The following PUS10 variants were observed in gnomAD, a reference collection of about 807,000 sequenced individuals.
PUS10 encodes tRNA pseudouridine synthase Pus10.
PUS10 carries 59 observed loss-of-function variants against 75.0 expected under a neutral mutation model. That is an observed-to-expected ratio of 0.79 (90% CI 0.64 to 0.98). PUS10 has a LOEUF of 0.98. Among genes scored for constraint, PUS10 ranks in the 50% least tolerant of loss-of-function variants. The pLI is 0.00. For missense variants in PUS10, 650 were observed against 614.4 expected, an observed-to-expected ratio of 1.06 and a Z score of -0.61; for synonymous variants, 219 against 211.6, an observed-to-expected ratio of 1.03 and a Z score of -0.30.
At position 60,948,152 on chromosome 2, in the gene PUS10, C is replaced by T. The variant is rs776008097; in HGVS notation, c.1342G>A (p.Val448Ile). The change falls in exon 16 of 18, where the codon GTC becomes ATC. Residue 448 changes from valine to isoleucine, a missense_variant. Coordinates refer to ENST00000316752, the MANE Select transcript of PUS10 (RefSeq NM_144709.4). ...ACAGCCAGGGGCCTTCGGTGAAGGA[C>T]GCGCAAAGGTGTTTTCTGGTCGATT... is the stretch of plus-strand genomic sequence containing the variant. Reference protein sequence around the residue: ...LKIDQKTPLRVLHRRPLAVRA... With the variant: ...LKIDQKTPLRILHRRPLAVRA... 19 of 1,614,102 alleles carry T rather than the reference C, an allele frequency of 1.2e-5. No individual in the cohort carries two copies. Among genetic ancestry groups the T allele is most frequent in the East Asian group, 2.2e-5 (1 of 44,872 alleles).
intron 4 of PUS10, among the ~76,000 whole-genome samples, chr2:60,973,027 G>A (rs1426363637): frequency 2.6e-5 from 4 of 152,230 alleles, no homozygotes; most frequent in Admixed American, 6.5e-5. Flanking sequence ...CAGCAGTGGC[G>A]GCGGTGGGAC....
Position 60,940,434 on chromosome 2 carries a change from T to C in PUS10, c.*1961A>G, listed in dbSNP as rs1246325011. On this transcript the variant is annotated 3_prime_UTR_variant, in exon 18 of 18. Transcript: ENST00000316752. Reference sequence around the variant, plus strand: ...AAACTAATTTTAAAATGCTTTTATGTAGGCAAAAGGGAAACTATAGTACTC... The same window carrying C: ...AAACTAATTTTAAAATGCTTTTATGCAGGCAAAAGGGAAACTATAGTACTC... 2.0e-5 allele frequency: 3 copies of C among 152,354 alleles called. No homozygotes were observed. The highest frequency in any genetic ancestry group is 4.8e-5 in the African/African-American group (2 of 41,464). The allele number at this position is 152,354 out of a possible 1,614,324, so 9.4% of individuals were successfully genotyped here. A position where few individuals can be genotyped will look rare whatever the true frequency, so the allele number is the denominator to read the frequency against.
intron 4 of PUS10, among the ~76,000 whole-genome samples, chr2:60,976,713 C>T (rs1364068155): frequency 1.3e-5 from 2 of 152,194 alleles, no homozygotes; most frequent in East Asian, 3.8e-4. Flanking sequence ...GGCTTAAAGG[C>T]TGAATCTCAA....
chr2:61,007,228 T>TA (rs369386636), intron 3 of PUS10, among the ~76,000 whole-genome samples: 44 of 150,406 alleles, frequency 2.9e-4, no homozygotes, highest in South Asian at 8.4e-4. Context: ...TTTTTTTTTT[T>TA]AAAAAAAAGA....
chr2:61,013,265 GAAAAA>G (rs61561925), intron 1 of PUS10, among the ~76,000 whole-genome samples: 7 of 112,290 alleles, frequency 6.2e-5, no homozygotes, highest in African/African-American at 2.2e-4. Context: ...AAAAGAAACA[GAAAAA>G]AAAAAAAAAA....
chr2:60,991,483 G>GTCTCA (rs770308134), intron 4 of PUS10, among the ~76,000 whole-genome samples: 1 of 152,140 alleles, frequency 6.6e-6, no homozygotes. Flanking sequence ...GAGAGAGAGA[G>GTCTCA]TCTCACTCTG....
At chr2:60,962,990 A>G (rs1243987553) in intron 8 of PUS10, 100 bp from the exon 9 acceptor site, 4 of 1,426,682 alleles carry the variant, frequency 2.8e-6, no homozygotes, top group African/African-American at 3.0e-5. Flanking sequence ...GTATCATTTC[A>G]TTATATCATT....
intron 4 of PUS10, among the ~76,000 whole-genome samples, chr2:60,991,102 C>T (rs748399088): frequency 6.6e-6 from 1 of 152,164 alleles, no homozygotes; most frequent in Non-Finnish European, 1.5e-5. Context: ...TGGTCTCAAA[C>T]TCCTGGGCTC....
intron 4 of PUS10, among the ~76,000 whole-genome samples, chr2:60,977,960 C>T (rs1196548435): frequency 1.3e-5 from 2 of 151,998 alleles, no homozygotes; most frequent in Admixed American, 6.6e-5. Flanking sequence ...TAAGACAAAA[C>T]GATAATAAAC....
At chr2:60,971,207 AAATTT>A (rs1256286437) in intron 5 of PUS10, among the ~76,000 whole-genome samples, 2 of 151,718 alleles carry the variant, frequency 1.3e-5, no homozygotes, top group Non-Finnish European at 2.9e-5. Flanking sequence ...ATAATAAATA[AAATTT>A]ATTTTTAAAA....
chr2:60,992,386 G>A (rs1678146443), intron 4 of PUS10, among the ~76,000 whole-genome samples: 1 of 152,104 alleles, frequency 6.6e-6, no homozygotes, highest in East Asian at 1.9e-4. Flanking sequence ...TTCATGACTA[G>A]CTACTGATTT....
chr2:60,958,435 G>A (rs748310487), intron 11 of PUS10, among the ~76,000 whole-genome samples: 1 of 152,106 alleles, frequency 6.6e-6, no homozygotes, highest in Non-Finnish European at 1.5e-5. Flanking sequence ...ATTATAAGAG[G>A]GATGTGGTTT....
chr2:60,985,866 G>A (rs768549902), intron 4 of PUS10, among the ~76,000 whole-genome samples: 1 of 147,870 alleles, frequency 6.8e-6, no homozygotes, highest in African/African-American at 2.5e-5. Context: ...TTTACTCTAG[G>A]TTGGGTCTGC....
chr2:60,983,406 C>T (rs567085157), intron 4 of PUS10, among the ~76,000 whole-genome samples: 3 of 152,042 alleles, frequency 2.0e-5, no homozygotes, highest in Non-Finnish European at 4.4e-5. Flanking sequence ...AGGCTGGGCG[C>T]GGTGGCTCAC....
At chr2:60,959,556 T>C (rs573746688) in intron 11 of PUS10, among the ~76,000 whole-genome samples, 14 of 152,094 alleles carry the variant, frequency 9.2e-5, no homozygotes, top group African/African-American at 3.4e-4. Context: ...GCCCAGCTGA[T>C]TTTTGTATTT....
intron 16 of PUS10, among the ~76,000 whole-genome samples, chr2:60,945,546 G>T (rs185930067): frequency 2.6e-5 from 4 of 152,280 alleles, no homozygotes; most frequent in Admixed American, 2.6e-4. Flanking sequence ...TGATCTCAAT[G>T]ATGGCATTCC....
At chr2:60,974,442 G>A (rs927879140) in intron 4 of PUS10, among the ~76,000 whole-genome samples, 1 of 152,070 alleles carries the variant, frequency 6.6e-6, no homozygotes, top group Non-Finnish European at 1.5e-5. Context: ...CTGGACGCAA[G>A]ACAAGAACTC....
intron 15 of PUS10, among the ~76,000 whole-genome samples, chr2:60,949,822 G>A (rs1558867433): frequency 6.6e-6 from 1 of 151,974 alleles, no homozygotes; most frequent in Non-Finnish European, 1.5e-5. Context: ...GCGCCATGAT[G>A]GCTCACTGTG....
chr2:60,974,418 A>G (rs1027735358), intron 4 of PUS10, among the ~76,000 whole-genome samples: 22 of 152,014 alleles, frequency 1.4e-4, no homozygotes, highest in African/African-American at 5.1e-4. Context: ...ACTTGTTTGC[A>G]TACCTCATTC....
Sources: gnomAD v4.1 joint callset for allele counts (sites outside exome capture counted in the v4.1 genomes callset) on GRCh38, gnomAD v4.1.1 for gene constraint, MANE v1.5 for transcripts, NCBI Gene and HGNC (gene_info 2026-07-23, HGNC 2026-07-21) for gene names.